The following CBARP variants were observed in gnomAD, a reference collection of about 807,000 sequenced individuals.
CBARP encodes voltage-dependent calcium channel beta subunit-associated regulatory protein.
Under a neutral mutation model 36.3 loss-of-function variants are expected in CBARP, and 24 were observed. That is an observed-to-expected ratio of 0.66 (90% confidence interval 0.48 to 0.93). CBARP has a LOEUF of 0.93. Ranked by LOEUF, CBARP falls within the 40% of genes least tolerant of loss-of-function variation. The pLI, the probability that CBARP is intolerant of heterozygous loss-of-function variation, is 0.00. For synonymous variants in CBARP, 586 were observed against 453.2 expected, an observed-to-expected ratio of 1.29 and a Z score of -3.72; for missense variants, 1,146 against 980.4, an observed-to-expected ratio of 1.17 and a Z score of -2.26.
intron 1 of CBARP, among the ~76,000 whole-genome samples, chr19:1,236,692 C>T (rs774457884): frequency 3.3e-5 from 5 of 152,006 alleles, no homozygotes; most frequent in African/African-American, 1.2e-4. Context: ...AGGTGGAGGT[C>T]TCCCCGGTGC....
intron 1 of CBARP, among the ~76,000 whole-genome samples, chr19:1,237,021 G>C (rs1408915616): frequency 4.6e-5 from 7 of 152,154 alleles, no homozygotes; most frequent in Non-Finnish European, 5.9e-5. Context: ...ACGCTGTGCG[G>C]CGCAGCCGGG....
chr19:1,237,061 G>A (rs2080985079), intron 1 of CBARP, among the ~76,000 whole-genome samples: 1 of 152,142 alleles, frequency 6.6e-6, no homozygotes. Context: ...CAGGGGGTCG[G>A]GGCTGGCGCC....
chr19:1,229,272 C>T lies in CBARP; in HGVS notation c.2025G>A (p.Glu675=), dbSNP rs760547824. The T allele has an allele frequency of 7.2e-6, 9 of 1,253,650 alleles. No individual in the cohort carries two copies. In the Admixed American group the frequency reaches 7.7e-5, roughly 11 times the overall value. The allele number at this position is 1,253,650 out of a possible 1,614,324, so 77.7% of individuals were successfully genotyped here. The change falls in exon 10 of 10, where the codon GAG becomes GAA. Residue 675 remains glutamate (E), a synonymous_variant. Coordinates refer to ENST00000650044, the MANE Select transcript of CBARP (RefSeq NM_001393918.1). This position sits in a 1 kb window ranked among gnomAD's most constrained non-coding sequence, Gnocchi z 5.1. ...VLDKLAAGLD[E]RLFPPRLAEP... ...CGGCGAGGCGCGGCGGAAAGAGTCT[C>T]TCGTCGAGGCCAGCCGCCAGCTTGT...
intron 5 of CBARP, 121 bp downstream of exon 5, chr19:1,234,880 C>T (rs940657972): frequency 1.2e-5 from 18 of 1,498,162 alleles, no homozygotes; most frequent in South Asian, 2.6e-5. Context: ...CCCCACCCCA[C>T]GGTCCCAGTC....
At position 1,234,755 on chromosome 19, in the gene CBARP, C is replaced by T. The variant is rs1333792865; in HGVS notation, c.456-13G>A. ...CGTCAGTGTGTACCTGCGACAGCAT[C>T]TGGCCATCAGAGCCCGCCCACCTCC... On this transcript the variant is annotated splice_polypyrimidine_tract_variant and intron_variant, in intron 5 of 9. Coordinates refer to ENST00000650044, the MANE Select transcript of CBARP (RefSeq NM_001393918.1). The T allele has an allele frequency of 1.2e-6, 2 of 1,610,442 alleles. No homozygotes were observed. The highest frequency in any genetic ancestry group is 3.4e-5 in the Admixed American group (2 of 59,680).
chr19:1,237,328 G>A (rs1039850088), intron 1 of CBARP, among the ~76,000 whole-genome samples: 7 of 152,184 alleles, frequency 4.6e-5, no homozygotes, highest in South Asian at 2.1e-4. Flanking sequence ...GGCTGGAGGG[G>A]GTGGGGACAG....
chr19:1,232,988 C>T (rs924175627), intron 8 of CBARP, among the ~76,000 whole-genome samples: 3 of 152,366 alleles, frequency 2.0e-5, no homozygotes, highest in Admixed American at 6.5e-5. Context: ...GGTCTGCCAG[C>T]GGGCGAGGGA....
intron 9 of CBARP, chr19:1,230,891 C>G (rs2080880895): frequency 6.4e-7 from 1 of 1,556,128 alleles, no homozygotes; most frequent in Admixed American, 1.9e-5. Context: ...ACCGCCCTAC[C>G]CTTACCCAGT....
At position 1,230,104 on chromosome 19, in the gene CBARP, T is replaced by C; in HGVS notation, c.1193A>G (p.Asp398Gly). The C allele has an allele frequency of 9.3e-7, 1 of 1,074,514 alleles. No individual in the cohort carries two copies. Among genetic ancestry groups the C allele is most frequent in the South Asian group, 2.2e-5 (1 of 45,578 alleles). 66.6% of individuals were successfully genotyped at this position (1,074,514 alleles called of 1,614,324 possible). The stretch of plus-strand genomic sequence containing the variant: ...GCCCGCGCCGCGCTCCGGGGGGGAA[T>C]CGGGGCTCGCTCCTCCCGCTGCCTC... ...AAEAAGGASPDSPPERGAGSA... is the reference protein window; with the variant it reads ...AAEAAGGASPGSPPERGAGSA... The change falls in exon 10 of 10, where the codon GAT becomes GGT. Residue 398 changes from aspartate (D) to glycine (G), a missense_variant. Asp to Gly is a moderately conservative substitution (Grantham distance 94). Transcript: ENST00000650044.
At chr19:1,232,023 G>A (rs2080901067) in intron 8 of CBARP, among the ~76,000 whole-genome samples, 2 of 152,036 alleles carry the variant, frequency 1.3e-5, no homozygotes, top group African/African-American at 4.8e-5. Flanking sequence ...GGGGGCCAAC[G>A]AGGAGAGGGA....
At chr19:1,232,382 G>T (rs1285631652) in intron 8 of CBARP, among the ~76,000 whole-genome samples, 3 of 152,152 alleles carry the variant, frequency 2.0e-5, no homozygotes, top group African/African-American at 7.2e-5. Context: ...GTCTGATGAT[G>T]TGTCCTCTGT....
chr19:1,230,100 G>A lies in CBARP; in HGVS notation c.1197C>T (p.Ser399=), dbSNP rs1458534102. Residue 399 remains serine (S), a synonymous_variant, in exon 10 of 10, where the codon TCC becomes TCT. Coordinates refer to ENST00000650044, the MANE Select transcript of CBARP (RefSeq NM_001393918.1). ...CGCTGCCCGCGCCGCGCTCCGGGGG[G>A]GAATCGGGGCTCGCTCCTCCCGCTG... The part of the protein sequence containing the change: ...AEAAGGASPD[S]PPERGAGSAG... 5.6e-6 allele frequency: 6 copies of A among 1,079,500 alleles called. No individual in the cohort carries two copies. The highest frequency in any genetic ancestry group is 1.7e-5 in the African/African-American group (1 of 57,892). The allele number at this position is 1,079,500 out of a possible 1,614,324, so 66.9% of individuals were successfully genotyped here.
At chr19:1,230,566 CAG>C (rs2080876732) in intron 9 of CBARP, 1 of 1,112,242 alleles carries the variant, frequency 9.0e-7, no homozygotes, top group African/African-American at 1.6e-5. Flanking sequence ...AGCAGGAGGA[CAG>C]TGCACAGACG....
Position 1,236,046 on chromosome 19 carries a change from CAGT to C in CBARP, c.52_54del (p.Thr18del), listed in dbSNP as rs753031467. 80 of 1,531,014 alleles carry C rather than the reference CAGT, an allele frequency of 5.2e-5. No individual in the cohort carries two copies. Among genetic ancestry groups the C allele is most frequent in the African/African-American group, 3.0e-4 (22 of 72,216 alleles). 94.8% of individuals were successfully genotyped at this position (1,531,014 alleles called of 1,614,324 possible). On this transcript the variant is annotated inframe_deletion, in exon 2 of 10. Transcript: ENST00000650044. ...CACGACGTCGTCAGGGCTACTGTGG[CAGT>C]GGTGGTGGTGGTGGTGGTGGCGGCT...
chr19:1,229,893 G>A lies in CBARP; in HGVS notation c.1404C>T (p.Ser468=), dbSNP rs2080866623. The A allele has an allele frequency of 3.8e-6, 4 of 1,060,660 alleles. No individual in the cohort carries two copies. Among genetic ancestry groups the A allele is most frequent in the Non-Finnish European group, 4.6e-6 (4 of 866,176 alleles). The allele number at this position is 1,060,660 out of a possible 1,614,324, so 65.7% of individuals were successfully genotyped here. A position where few individuals can be genotyped will look rare whatever the true frequency, so the allele number is the denominator to read the frequency against. ...NDRDSVRSGD[S]SGSGSGGAAP... ...CCGCGCCCCCGGAGCCTGAGCCCGA[G>A]CTGTCGCCGCTGCGCACCGAGTCGC... Residue 468 remains serine, a synonymous_variant, in exon 10 of 10, where the codon AGC becomes AGT. Transcript: ENST00000650044. The surrounding 1 kb of genome is among the most constrained non-coding windows in gnomAD (Gnocchi z 5.1).
At chr19:1,234,954 G>A in intron 5 of CBARP, 47 bp downstream of exon 5, 2 of 1,572,628 alleles carry the variant, frequency 1.3e-6, no homozygotes, top group Non-Finnish European at 1.7e-6. Flanking sequence ...CCGGCGGCCA[G>A]GACCTCAGAC....
chr19:1,232,491 C>T (rs538660442), intron 8 of CBARP, among the ~76,000 whole-genome samples: 71 of 152,194 alleles, frequency 4.7e-4, no homozygotes, highest in Non-Finnish European at 8.8e-4. Context: ...GGGCCCCAGC[C>T]CCTCTGGGCT....
In CBARP at chr19:1,235,353, A is replaced by G. The variant is rs780040563; in HGVS notation, c.310+148T>C. The G allele has an allele frequency of 6.4e-6, 7 of 1,100,808 alleles. No homozygotes were observed. The South Asian group carries it at 1.2e-4, about 19-fold the overall frequency. The allele number at this position is 1,100,808 out of a possible 1,614,324, so 68.2% of individuals were successfully genotyped here. The stretch of plus-strand genomic sequence containing the variant: ...TGGGCCCACCTACGCCTGGGCGTTA[A>G]GGAAACAGAGATGAGTCGGAATCGA... On this transcript the variant is annotated intron_variant, in intron 4 of 9. Coordinates refer to ENST00000650044, the MANE Select transcript of CBARP (RefSeq NM_001393918.1).
rs368450005 is a variant in CBARP at position 1,230,222 on chromosome 19, G to A, written c.1155-80C>T. The stretch of plus-strand genomic sequence containing the variant: ...GCCGGCCATCCCGCCTCTGGATCAG[G>A]GAGGGTGGACGCGGGTGGGACTTGG... On this transcript the variant is annotated intron_variant, in intron 9 of 9. Transcript: ENST00000650044. The A allele has an allele frequency of 9.2e-5, 92 of 994,818 alleles. 1 individual carries two copies. The East Asian group carries it at 9.5e-3, about 103-fold the overall frequency. The allele number at this position is 994,818 out of a possible 1,614,324, so 61.6% of individuals were successfully genotyped here.
Sources: gnomAD v4.1 joint callset for allele counts (sites outside exome capture counted in the v4.1 genomes callset) on GRCh38, gnomAD v4.1.1 for gene constraint, Gnocchi (gnomAD v3.1) non-coding constraint, MANE v1.5 for transcripts, NCBI Gene and HGNC (gene_info 2026-07-23, HGNC 2026-07-21) for gene names.